Variants in WDR43 observed in about 807,000 individuals in gnomAD.
WDR43 encodes WD repeat domain 43.
Under a neutral mutation model 91.4 loss-of-function variants are expected in WDR43, and 13 were observed. The observed-to-expected ratio is 0.14, with a 90% CI of 0.09 to 0.23. WDR43 has a LOEUF of 0.23. Among genes scored for constraint, WDR43 ranks in the 10% least tolerant of loss-of-function variants. WDR43 has a pLI of 1.00. For synonymous variants in WDR43, 331 were observed against 287.9 expected, an observed-to-expected ratio of 1.15 and a Z score of -1.51; for missense variants, 780 against 809.4, an observed-to-expected ratio of 0.96 and a Z score of 0.44.
At chr2:28,943,364 C>T (rs1473040146) in intron 16 of WDR43, among the ~76,000 whole-genome samples, 1 of 152,060 alleles carries the variant, frequency 6.6e-6, no homozygotes, top group Non-Finnish European at 1.5e-5. Context: ...TACACCGTGG[C>T]CTCAAAAACG....
chr2:28,900,528 T>A (rs1489578305), intron 1 of WDR43, among the ~76,000 whole-genome samples: 1 of 152,182 alleles, frequency 6.6e-6, no homozygotes. Context: ...GCTGAGATGG[T>A]ACTAGGTTAA....
rs1671567680 is a variant in WDR43 at position 28,947,570 on chromosome 2, T to C, written c.*791T>C. 1 of 152,164 alleles carries C rather than the reference T, an allele frequency of 6.6e-6. No homozygotes were observed. The highest frequency in any genetic ancestry group is 2.4e-5 in the African/African-American group (1 of 41,460). 9.4% of individuals were successfully genotyped at this position (152,164 alleles called of 1,614,324 possible). A position where few individuals can be genotyped will look rare whatever the true frequency, so the allele number is the denominator to read the frequency against. ...GCAACTTTTAAAAAAAATTCAGTTA[T>C]AGCTGCTTTTGAAGAGGTTTCCATT... On this transcript the variant is annotated 3_prime_UTR_variant, in exon 18 of 18. Coordinates refer to ENST00000407426, the MANE Select transcript of WDR43 (RefSeq NM_015131.3).
intron 12 of WDR43, among the ~76,000 whole-genome samples, chr2:28,936,430 T>C (rs1671338292): frequency 6.6e-6 from 1 of 152,204 alleles, no homozygotes; most frequent in South Asian, 2.1e-4. Flanking sequence ...CAGTGTCTTG[T>C]ATAGAAAAGG....
chr2:28,923,568 C>A (rs1671076700), intron 7 of WDR43, among the ~76,000 whole-genome samples: 1 of 152,140 alleles, frequency 6.6e-6, no homozygotes. Context: ...GTTTTAACCT[C>A]TTGTTGTCAG....
intron 14 of WDR43, among the ~76,000 whole-genome samples, chr2:28,940,036 G>C (rs576910540): frequency 6.6e-6 from 1 of 151,338 alleles, no homozygotes; most frequent in South Asian, 2.1e-4. Context: ...GCGTGAACCC[G>C]GGGGGGCAGA....
chr2:28,903,075 A>T (rs1234505360), intron 2 of WDR43, among the ~76,000 whole-genome samples: 1 of 152,168 alleles, frequency 6.6e-6, no homozygotes, highest in Admixed American at 6.5e-5. Flanking sequence ...ACATTAAAAA[A>T]ATATAGTTGG....
chr2:28,908,043 AC>A (rs1363503893), intron 3 of WDR43, among the ~76,000 whole-genome samples: 1 of 152,228 alleles, frequency 6.6e-6, no homozygotes, highest in Non-Finnish European at 1.5e-5. Flanking sequence ...ATAGATTGTT[AC>A]TGTAATCTGG....
chr2:28,926,318 T>C, intron 8 of WDR43, 150 bp from the exon 9 acceptor site: 1 of 574,598 alleles, frequency 1.7e-6, no homozygotes, highest in Non-Finnish European at 3.0e-6. Context: ...AACAATTGAG[T>C]GTGGAAGTCT....
intron 1 of WDR43, among the ~76,000 whole-genome samples, chr2:28,898,116 A>G (rs1311273216): frequency 6.6e-6 from 1 of 152,216 alleles, no homozygotes; most frequent in Admixed American, 6.5e-5. Context: ...ATTGTCTTCA[A>G]ACTTTTGAAA....
chr2:28,943,159 ACTCT>A (rs1347679827), intron 16 of WDR43, among the ~76,000 whole-genome samples: 1 of 151,760 alleles, frequency 6.6e-6, no homozygotes, highest in Non-Finnish European at 1.5e-5. Context: ...TTTTGCACAG[ACTCT>A]CTCTGTTGCT....
At chr2:28,906,322 C>T (rs551235330) in intron 2 of WDR43, 138 bp from the exon 3 acceptor site, 3 of 790,848 alleles carry the variant, frequency 3.8e-6, no homozygotes, top group Non-Finnish European at 5.7e-6. Context: ...TTCTACTGAT[C>T]TGAAATATCC....
rs1172295475 is a variant in WDR43, at chr2:28,894,707, G to T, written c.9G>T (p.Ala3=). The part of the protein sequence containing the change: MA[A]GGGGSCDPLA... ...GCGGGGCCAGAGCAGCAATGGCGGC[G>T]GGCGGCGGCGGTAGCTGCGACCCCC... Residue 3 remains alanine, a synonymous_variant, in exon 1 of 18, where the codon GCG becomes GCT. Coordinates refer to ENST00000407426, the MANE Select transcript of WDR43 (RefSeq NM_015131.3). 1.3e-6 allele frequency: 2 copies of T among 1,559,168 alleles called. No homozygotes were observed. The highest frequency in any genetic ancestry group is 1.4e-5 in the African/African-American group (1 of 73,220).
At chr2:28,919,988 C>T (rs544555630) in intron 6 of WDR43, among the ~76,000 whole-genome samples, 1 of 151,898 alleles carries the variant, frequency 6.6e-6, no homozygotes, top group East Asian at 2.0e-4. Context: ...TTATAGACTG[C>T]GCTACCATGC....
In WDR43 at chr2:28,927,605, C is replaced by A. The variant is rs1572596762; in HGVS notation, c.1210C>A (p.Leu404Met). 6.2e-7 allele frequency: 1 copy of A among 1,613,704 alleles called. No homozygotes were observed. The highest frequency in any genetic ancestry group is 1.7e-5 in the Admixed American group (1 of 59,976). ...TPVMNSEAKV[L>M]VPGIPGHHAA... ...AGTGATGAATTCTGAAGCAAAAGTTCTGGTGCCTGGGATTCCTGGTCATCA... is the reference window on the plus strand; with the variant it reads ...AGTGATGAATTCTGAAGCAAAAGTTATGGTGCCTGGGATTCCTGGTCATCA... Residue 404 changes from leucine (L) to methionine (M), a missense_variant, in exon 10 of 18, where the codon CTG becomes ATG. Physicochemically the swap from Leu to Met is conservative, Grantham distance 15 (BLOSUM62 2). This residue lies in a region of WDR43 where 426 missense variants were observed against 467.8 expected (regional missense o/e 0.91). Coordinates refer to ENST00000407426, the MANE Select transcript of WDR43 (RefSeq NM_015131.3).
Position 28,946,953 on chromosome 2 carries a change from G to C in WDR43, c.*174G>C. On this transcript the variant is annotated 3_prime_UTR_variant, in exon 18 of 18. Transcript: ENST00000407426. ...CCCAGACTTGACTGTGTAAATAAGA[G>C]TGTTTCATTCAAATGTTAATAAACT... 1 of 633,346 alleles carries C rather than the reference G, an allele frequency of 1.6e-6. No individual in the cohort carries two copies. Among genetic ancestry groups the C allele is most frequent in the Non-Finnish European group, 2.6e-6 (1 of 384,340 alleles). The allele number at this position is 633,346 out of a possible 1,614,324, so 39.2% of individuals were successfully genotyped here. A position where few individuals can be genotyped will look rare whatever the true frequency, so the allele number is the denominator to read the frequency against.
chr2:28,947,345 C>G lies in WDR43; in HGVS notation c.*566C>G, dbSNP rs1336268579. 1 of 152,124 alleles carries G rather than the reference C, an allele frequency of 6.6e-6. No homozygotes were observed. The highest frequency in any genetic ancestry group is 1.5e-5 in the Non-Finnish European group (1 of 68,018). 9.4% of individuals were successfully genotyped at this position (152,124 alleles called of 1,614,324 possible). ...TTGTCTATTAACTGTGATAATCTGACTTGAGTCAGATTGAATATTTGGAGT... is the reference window on the plus strand; with the variant it reads ...TTGTCTATTAACTGTGATAATCTGAGTTGAGTCAGATTGAATATTTGGAGT... On this transcript the variant is annotated 3_prime_UTR_variant, in exon 18 of 18. Coordinates refer to ENST00000407426, the MANE Select transcript of WDR43 (RefSeq NM_015131.3).
At chr2:28,946,035 A>G (rs1162958554) in intron 16 of WDR43, among the ~76,000 whole-genome samples, 2 of 152,190 alleles carry the variant, frequency 1.3e-5, no homozygotes, top group Non-Finnish European at 1.5e-5. Context: ...ATATACTTTT[A>G]TACATGTAAG....
intron 11 of WDR43, 90 bp from the exon 12 acceptor site, chr2:28,935,431 A>T (rs2148196629): frequency 1.1e-6 from 1 of 880,668 alleles, no homozygotes; most frequent in Non-Finnish European, 1.7e-6. Context: ...TAAATGATTT[A>T]AAGGATTCAT....
intron 16 of WDR43, among the ~76,000 whole-genome samples, chr2:28,943,085 A>T (rs1057081119): frequency 6.6e-6 from 1 of 152,224 alleles, no homozygotes; most frequent in African/African-American, 2.4e-5. Flanking sequence ...TTCTCACAAG[A>T]TATGCCCAGA....
Sources: allele counts gnomAD v4.1 joint callset (sites outside exome capture counted in the v4.1 genomes callset), GRCh38; gene constraint gnomAD v4.1.1; regional missense constraint gnomAD v4.1.1; transcripts MANE v1.5; gene names NCBI Gene and HGNC (gene_info 2026-07-23, HGNC 2026-07-21).